Variants in ZNF385D observed in about 807,000 individuals in gnomAD.
ZNF385D encodes zinc finger protein 385D, also known as zinc finger protein 659.
A neutral mutation model predicts 35.8 loss-of-function variants in ZNF385D; 15 were observed. The ratio of observed to expected loss-of-function variants is 0.42; its 90% confidence interval spans 0.28 to 0.64. The LOEUF (loss-of-function observed/expected upper bound fraction) is 0.64, where lower values mean the gene tolerates loss of function less well. ZNF385D is among the 30% of genes least tolerant of loss of function. The pLI is 0.23. For missense variants in ZNF385D, 474 were observed against 494.6 expected (o/e 0.96, Z 0.39); for synonymous variants, 212 against 186.8 (o/e 1.13, Z -1.10).
chr3:21,456,171 A>G (rs1180790198), intron 4 of ZNF385D, among the ~76,000 whole-genome samples: 2 of 152,196 alleles, frequency 1.3e-5, no homozygotes, highest in African/African-American at 4.8e-5. Flanking sequence ...TGTGGAAGAC[A>G]GTGTGGTGAT....
intron 2 of ZNF385D, among the ~76,000 whole-genome samples, chr3:21,635,481 A>G (rs1275235888): frequency 1.3e-5 from 2 of 152,092 alleles, no homozygotes; most frequent in Non-Finnish European, 2.9e-5. Context: ...CATAGTTAAT[A>G]AGGTGCCTGG....
At chr3:21,643,941 G>A (rs1030176803) in intron 2 of ZNF385D, among the ~76,000 whole-genome samples, 1 of 152,070 alleles carries the variant, frequency 6.6e-6, no homozygotes, top group Non-Finnish European at 1.5e-5. Flanking sequence ...GAATAATGTG[G>A]GATAGACTCT....
intron 3 of ZNF385D, among the ~76,000 whole-genome samples, chr3:22,094,719 G>C (rs1360263348): frequency 6.6e-6 from 1 of 151,902 alleles, no homozygotes; most frequent in Non-Finnish European, 1.5e-5. Flanking sequence ...ATGCTCAGTA[G>C]GTTACTGAGG....
chr3:22,340,991 T>C (rs1277461016), intron 2 of ZNF385D, among the ~76,000 whole-genome samples: 2 of 152,160 alleles, frequency 1.3e-5, no homozygotes, highest in South Asian at 4.1e-4. Context: ...ACTTACCACA[T>C]AGGATAACTT....
At chr3:21,737,242 G>A (rs1163107739) in intron 1 of ZNF385D, among the ~76,000 whole-genome samples, 1 of 152,126 alleles carries the variant, frequency 6.6e-6, no homozygotes, top group African/African-American at 2.4e-5. Context: ...ATAGATACAT[G>A]TGTCCATGTA....
intron 2 of ZNF385D, among the ~76,000 whole-genome samples, chr3:22,267,176 C>T (rs1184350985): frequency 1.3e-5 from 2 of 151,888 alleles, no homozygotes; most frequent in African/African-American, 4.8e-5. Context: ...CATCAAACAT[C>T]TATGAGAAAG....
chr3:21,475,855 C>G (rs1277392968), intron 4 of ZNF385D, among the ~76,000 whole-genome samples: 1 of 149,830 alleles, frequency 6.7e-6, no homozygotes, highest in African/African-American at 2.4e-5. Context: ...TTTTTTTTTT[C>G]TATTGGTATT....
intron 2 of ZNF385D, among the ~76,000 whole-genome samples, chr3:21,593,075 A>G (rs1035450040): frequency 6.6e-6 from 1 of 152,144 alleles, no homozygotes; most frequent in Non-Finnish European, 1.5e-5. Flanking sequence ...TAATAGCTTC[A>G]GGTCACCAAA....
intron 1 of ZNF385D, among the ~76,000 whole-genome samples, chr3:21,748,056 T>C (rs538186211): frequency 6.6e-6 from 1 of 152,134 alleles, no homozygotes; most frequent in South Asian, 2.1e-4. Flanking sequence ...AGATCCAAGA[T>C]TGATAGAATA....
intron 3 of ZNF385D, among the ~76,000 whole-genome samples, chr3:22,091,289 G>C (rs1407878822): frequency 1.3e-5 from 2 of 152,162 alleles, no homozygotes; most frequent in Non-Finnish European, 2.9e-5. Context: ...ATAAACCATA[G>C]CACTGAGAAA....
chr3:21,859,705 T>C (rs1696940872), intron 3 of ZNF385D, among the ~76,000 whole-genome samples: 2 of 151,074 alleles, frequency 1.3e-5, no homozygotes. Flanking sequence ...TGTGAGGTGC[T>C]GACCTCACTG....
chr3:21,533,429 C>T (rs2125539995), intron 3 of ZNF385D, among the ~76,000 whole-genome samples: 1 of 152,174 alleles, frequency 6.6e-6, no homozygotes, highest in African/African-American at 2.4e-5. Flanking sequence ...ACTTTTGGTG[C>T]ACTCAGTATT....
At chr3:21,853,657 T>C (rs1198087674) in intron 3 of ZNF385D, among the ~76,000 whole-genome samples, 1 of 151,746 alleles carries the variant, frequency 6.6e-6, no homozygotes, top group Admixed American at 6.6e-5. Flanking sequence ...CTTGGAAGAA[T>C]GAATTTTGAG....
At chr3:21,455,451 T>C (rs1169245869) in intron 4 of ZNF385D, among the ~76,000 whole-genome samples, 1 of 152,136 alleles carries the variant, frequency 6.6e-6, no homozygotes, top group Non-Finnish European at 1.5e-5. Flanking sequence ...AACCATCTGA[T>C]CTTTGACAAA....
chr3:21,478,877 C>A (rs1247301634), intron 4 of ZNF385D, among the ~76,000 whole-genome samples: 1 of 151,956 alleles, frequency 6.6e-6, no homozygotes, highest in Non-Finnish European at 1.5e-5. Flanking sequence ...TCAAATTTAG[C>A]AGCAGGAAAA....
chr3:22,336,937 A>AAAAAAAAAAAAAAAAC (rs1553651285), intron 2 of ZNF385D, among the ~76,000 whole-genome samples: 1 of 144,674 alleles, frequency 6.9e-6, no homozygotes, highest in Non-Finnish European at 1.5e-5. Context: ...AAAAAAAAAA[A>AAAAAAAAAAAAAAAAC]CCCTTACTGT....
At chr3:21,516,421 G>A (rs2125486264) in intron 3 of ZNF385D, among the ~76,000 whole-genome samples, 1 of 152,258 alleles carries the variant, frequency 6.6e-6, no homozygotes, top group East Asian at 1.9e-4. Context: ...TCTCAGAGCA[G>A]AGAAGTTACC....
chr3:22,254,312 A>T (rs1009004652), intron 2 of ZNF385D, among the ~76,000 whole-genome samples: 6 of 151,884 alleles, frequency 4.0e-5, no homozygotes, highest in African/African-American at 1.2e-4. Context: ...TTTACTGACA[A>T]ATATGTATGT....
chr3:21,485,274 C>T (rs162410), intron 4 of ZNF385D, among the ~76,000 whole-genome samples: 25,937 of 152,128 alleles, frequency 0.17, 2,286 homozygotes, highest in Admixed American at 0.25. Flanking sequence ...AATGCTTATC[C>T]TGATCCACAG....
Sources: allele counts gnomAD v4.1 joint callset (sites outside exome capture counted in the v4.1 genomes callset), GRCh38; gene constraint gnomAD v4.1.1; transcripts MANE v1.5; gene names NCBI Gene and HGNC (gene_info 2026-07-23, HGNC 2026-07-21).